ANKRD13B: variants seen among roughly 807,000 people sequenced by gnomAD.
The protein encoded by ANKRD13B is ankyrin repeat domain 13B.
In ANKRD13B, 33 loss-of-function variants were observed where a neutral mutation model predicts 74.4. That is an observed-to-expected ratio of 0.44 (90% CI 0.34 to 0.59). The LOEUF (loss-of-function observed/expected upper bound fraction) is 0.59, where lower values mean the gene tolerates loss of function less well. Among genes scored for constraint, ANKRD13B ranks in the 20% least tolerant of loss-of-function variants. The pLI, the probability that ANKRD13B is intolerant of heterozygous loss-of-function variation, is 0.02. For missense variants in ANKRD13B, 676 were observed against 877.9 expected (o/e 0.77, Z 2.91); for synonymous variants, 341 against 362.9 (o/e 0.94, Z 0.68).
chr17:29,610,895 A>C, intron 8 of ANKRD13B, 129 bp downstream of exon 8: 1 of 905,904 alleles, frequency 1.1e-6, no homozygotes, highest in Non-Finnish European at 1.7e-6. Flanking sequence ...AGGCCGATAG[A>C]TTTCAATTCA....
chr17:29,593,895 A>ATGGGAGCGGGCCCTGCCAGC, intron 1 of ANKRD13B, 160 bp downstream of exon 1: 1 of 315,506 alleles, frequency 3.2e-6, no homozygotes, highest in Non-Finnish European at 5.6e-6. Flanking sequence ...GGAAAGGGTG[A>ATGGGAGCGGGCCCTGCCAGC]TCCCCTCCGG....
Position 29,608,295 on chromosome 17 carries a change from T to G in ANKRD13B, c.421+55T>G. 2 of 1,608,594 alleles carry G rather than the reference T, an allele frequency of 1.2e-6. No individual in the cohort carries two copies. The highest frequency in any genetic ancestry group is 3.4e-5 in the Admixed American group (2 of 59,650). On this transcript the variant is annotated intron_variant, in intron 4 of 14. Transcript: ENST00000394859. The surrounding 1 kb of genome is among the most constrained non-coding windows in gnomAD (Gnocchi z 6.4). Reference sequence around the variant, plus strand: ...GCTCTCCCACTTTAGGTCCTGCGCTTGCTCCCCTGCCTGGAATGTGTTCTC... The same window carrying G: ...GCTCTCCCACTTTAGGTCCTGCGCTGGCTCCCCTGCCTGGAATGTGTTCTC...
In ANKRD13B at chr17:29,600,025, C is replaced by T. The variant is rs888234914; in HGVS notation, c.114+6290C>T. On this transcript the variant is annotated intron_variant, in intron 1 of 14. Coordinates refer to ENST00000394859, the MANE Select transcript of ANKRD13B (RefSeq NM_152345.5). Reference sequence around the variant, plus strand: ...CCGAGTAGCTGTGACTACAGGCGCCCGCCACCACGCCCAGCTAATTTTTTG... The same window carrying T: ...CCGAGTAGCTGTGACTACAGGCGCCTGCCACCACGCCCAGCTAATTTTTTG... Among the ~76,000 whole-genome samples, 12 of 151,846 alleles carry T rather than the reference C, an allele frequency of 7.9e-5. No homozygotes were observed. In the East Asian group the frequency reaches 9.7e-4, roughly 12 times the overall value.
chr17:29,603,094 C>G (rs2034240427), intron 1 of ANKRD13B, among the ~76,000 whole-genome samples: 1 of 152,232 alleles, frequency 6.6e-6, no homozygotes, highest in African/African-American at 2.4e-5. Flanking sequence ...TGTGATCCAC[C>G]CGCCTTGGCC....
chr17:29,611,164 A>G lies in ANKRD13B; in HGVS notation c.904+398A>G, dbSNP rs78990004. 8.6e-3 allele frequency among the ~76,000 whole-genome samples: 1,310 copies of G among 152,288 alleles called. 13 individuals carry two copies. The highest frequency in any genetic ancestry group is 0.028 in the Admixed American group (423 of 15,294). ...ACACCTGATTCTCTGGGTACCAGAT[A>G]CCGTGTCCGAGGTGAAAAAGCATAA... On this transcript the variant is annotated intron_variant, in intron 8 of 14. Transcript: ENST00000394859. This position sits in a 1 kb window ranked among gnomAD's most constrained non-coding sequence, Gnocchi z 4.3.
At position 29,613,759 on chromosome 17, in the gene ANKRD13B, C is replaced by T. The variant is rs919261234; in HGVS notation, c.*177C>T. ...GGGATTCGGCATGGCCGCGGGGTAC[C>T]TTCCCAGGCCAGGGCCCTGGAGGCA... On this transcript the variant is annotated 3_prime_UTR_variant, in exon 15 of 15. Coordinates refer to ENST00000394859, the MANE Select transcript of ANKRD13B (RefSeq NM_152345.5). The T allele has an allele frequency of 4.6e-6, 5 of 1,076,148 alleles. No homozygotes were observed. Among genetic ancestry groups the T allele is most frequent in the Non-Finnish European group, 6.2e-6 (5 of 802,040 alleles). The allele number at this position is 1,076,148 out of a possible 1,614,324, so 66.7% of individuals were successfully genotyped here.
At chr17:29,593,884 G>C (rs1450480056) in intron 1 of ANKRD13B, 149 bp downstream of exon 1, 4 of 404,368 alleles carry the variant, frequency 9.9e-6, no homozygotes, top group African/African-American at 8.6e-5. Context: ...CTTGTTGACC[G>C]GGAAAGGGTG....
intron 1 of ANKRD13B, among the ~76,000 whole-genome samples, chr17:29,606,523 A>C (rs1286329167): frequency 6.6e-6 from 1 of 151,746 alleles, no homozygotes; most frequent in Non-Finnish European, 1.5e-5. Flanking sequence ...GCACCACTGC[A>C]CTCTAGCCTG....
chr17:29,594,629 AT>A (rs1354537648), intron 1 of ANKRD13B, among the ~76,000 whole-genome samples: 1 of 152,162 alleles, frequency 6.6e-6, no homozygotes, highest in Non-Finnish European at 1.5e-5. Flanking sequence ...GTAGGCACTC[AT>A]GGCAGAGATG....
At chr17:29,593,772 G>C (rs2033848856) in intron 1 of ANKRD13B, 37 bp downstream of exon 1, 2 of 1,272,254 alleles carry the variant, frequency 1.6e-6, no homozygotes, top group African/African-American at 3.2e-5. Flanking sequence ...GGACCCCGCG[G>C]CCGGGCACGC....
intron 1 of ANKRD13B, among the ~76,000 whole-genome samples, chr17:29,598,494 TCTCCCTCC>T (rs1358520844): frequency 1.3e-5 from 2 of 150,654 alleles, no homozygotes; most frequent in African/African-American, 4.9e-5. Flanking sequence ...CCCCTCCCCT[TCTCCCTCC>T]CTCCCTCCCT....
rs1024370017 is a variant in ANKRD13B at position 29,611,255 on chromosome 17, C to T, written c.905-324C>T. 7.2e-5 allele frequency among the ~76,000 whole-genome samples: 11 copies of T among 152,214 alleles called. No homozygotes were observed. Among genetic ancestry groups the T allele is most frequent in the Admixed American group, 3.3e-4 (5 of 15,284 alleles). Reference sequence around the variant, plus strand: ...GAAGTGCCTGAAGCAAACACACACACGCACATGCACACCCCACAGTGCCTG... The same window carrying T: ...GAAGTGCCTGAAGCAAACACACACATGCACATGCACACCCCACAGTGCCTG... On this transcript the variant is annotated intron_variant, in intron 8 of 14. Transcript: ENST00000394859. The surrounding 1 kb of genome is among the most constrained non-coding windows in gnomAD (Gnocchi z 4.3).
intron 1 of ANKRD13B, among the ~76,000 whole-genome samples, chr17:29,595,259 A>T (rs2033914563): frequency 6.6e-6 from 1 of 152,210 alleles, no homozygotes; most frequent in African/African-American, 2.4e-5. Flanking sequence ...TGAACAGGAA[A>T]TTCCAGGGTG....
intron 1 of ANKRD13B, among the ~76,000 whole-genome samples, chr17:29,595,039 C>T (rs539438467): frequency 6.6e-6 from 1 of 152,338 alleles, no homozygotes; most frequent in East Asian, 1.9e-4. Flanking sequence ...TGGCCACTTC[C>T]TGTTACCTGT....
intron 1 of ANKRD13B, among the ~76,000 whole-genome samples, chr17:29,597,836 G>A (rs182913922): frequency 1.3e-5 from 2 of 152,186 alleles, no homozygotes; most frequent in African/African-American, 2.4e-5. Context: ...CCTGAGGTGT[G>A]GGGATGGGGA....
Position 29,599,881 on chromosome 17 carries a change from T to G in ANKRD13B, c.114+6146T>G, listed in dbSNP as rs868736583. Among the ~76,000 whole-genome samples the G allele has an allele frequency of 1.5e-4, 20 of 131,326 alleles. No individual in the cohort carries two copies. The East Asian group carries it at 2.9e-3, about 19-fold the overall frequency. 86.2% of individuals were successfully genotyped at this position (131,326 alleles called of 152,430 possible). On this transcript the variant is annotated intron_variant, in intron 1 of 14. Transcript: ENST00000394859. ...ATCTAATTTGTTTTTTTTTTTTTTTTTTTTTTTTTTTTTGATACGGAGTCT... is the reference window on the plus strand; with the variant it reads ...ATCTAATTTGTTTTTTTTTTTTTTTGTTTTTTTTTTTTTGATACGGAGTCT...
chr17:29,610,189 C>G (rs1275004198), intron 7 of ANKRD13B, among the ~76,000 whole-genome samples: 1 of 129,224 alleles, frequency 7.7e-6, no homozygotes, highest in African/African-American at 2.8e-5. Flanking sequence ...GAGACTCCAT[C>G]TAAAAAAAAA....
chr17:29,602,797 C>G (rs1056847921), intron 1 of ANKRD13B, among the ~76,000 whole-genome samples: 1 of 152,150 alleles, frequency 6.6e-6, no homozygotes, highest in South Asian at 2.1e-4. Flanking sequence ...TTCAACCCAC[C>G]ATAGTAGTTT....
rs1303042424 is a variant in ANKRD13B, at chr17:29,613,510, G to C, written c.1809G>C (p.Glu603Asp). The change falls in exon 15 of 15, where the codon GAG becomes GAC. Residue 603 changes from glutamate to aspartate, a missense_variant. Transcript: ENST00000394859. ...AMELSAQEQE[E>D]RRRRARQEEE... ...AACTGTCGGCGCAGGAGCAGGAGGA[G>C]AGGCGGCGGCGCGCGCGCCAGGAGG... The C allele has an allele frequency of 1.3e-6, 2 of 1,528,536 alleles. No individual in the cohort carries two copies. The highest frequency in any genetic ancestry group is 1.8e-6 in the Non-Finnish European group (2 of 1,140,164). 94.7% of individuals were successfully genotyped at this position (1,528,536 alleles called of 1,614,324 possible). A position where few individuals can be genotyped will look rare whatever the true frequency, so the allele number is the denominator to read the frequency against.
Sources: allele counts gnomAD v4.1 joint callset (sites outside exome capture counted in the v4.1 genomes callset), GRCh38; gene constraint gnomAD v4.1.1; non-coding constraint Gnocchi (gnomAD v3.1); transcripts MANE v1.5; gene names NCBI Gene and HGNC (gene_info 2026-07-23, HGNC 2026-07-21).